Variants in DMRT1 observed in about 807,000 individuals in gnomAD.
The protein encoded by DMRT1 is doublesex- and mab-3-related transcription factor 1.
In DMRT1, 7 loss-of-function variants were observed where a neutral mutation model predicts 32.3. That is an observed-to-expected ratio of 0.22 (90% CI 0.12 to 0.41). The LOEUF is 0.41. Among genes scored for constraint, DMRT1 ranks in the 10% least tolerant of loss-of-function variants. The pLI, the probability that DMRT1 is intolerant of heterozygous loss-of-function variation, is 1.00. For synonymous variants in DMRT1, 278 were observed against 206.1 expected (o/e 1.35, Z -2.99); for missense variants, 625 against 500.5 (o/e 1.25, Z -2.37).
intron 2 of DMRT1, among the ~76,000 whole-genome samples, chr9:868,932 C>A (rs1816110807): frequency 6.6e-6 from 1 of 152,096 alleles, no homozygotes; most frequent in Non-Finnish European, 1.5e-5. Context: ...ATCACCTGAG[C>A]CTGGGGAGGT....
chr9:871,210 T>C (rs1355175356), intron 2 of DMRT1, among the ~76,000 whole-genome samples: 1 of 151,758 alleles, frequency 6.6e-6, no homozygotes, highest in Non-Finnish European at 1.5e-5. Context: ...TAATTTTTTG[T>C]AGAGACGGGG....
At chr9:949,630 G>A (rs1819365661) in intron 4 of DMRT1, among the ~76,000 whole-genome samples, 1 of 152,170 alleles carries the variant, frequency 6.6e-6, no homozygotes, top group African/African-American at 2.4e-5. Context: ...ATAAAATACA[G>A]TATTGTTAAC....
intron 1 of DMRT1, among the ~76,000 whole-genome samples, chr9:846,726 A>G (rs1025340305): frequency 6.6e-6 from 1 of 152,186 alleles, no homozygotes; most frequent in Non-Finnish European, 1.5e-5. Flanking sequence ...GATTCCAGGT[A>G]TCTGCGACCA....
rs1564189426 is a variant in DMRT1 at position 842,084 on chromosome 9, C to CGGCT, written c.247_250dup (p.Tyr84TrpfsTer73). 6.5e-7 allele frequency: 1 copy of CGGCT among 1,546,386 alleles called. No homozygotes were observed. Among genetic ancestry groups the CGGCT allele is most frequent in the Admixed American group, 1.9e-5 (1 of 51,708 alleles). ...CCAAGTGCGCACGCTGCAGGAACCA[C>CGGCT]GGCTACGCCTCGCCGCTCAAGGGCC... On this transcript the variant is annotated frameshift_variant, in exon 1 of 5. Coordinates refer to ENST00000382276, the MANE Select transcript of DMRT1 (RefSeq NM_021951.3). LOFTEE classifies it high-confidence loss of function.
chr9:851,983 A>G (rs568291977), intron 2 of DMRT1, among the ~76,000 whole-genome samples: 6 of 147,646 alleles, frequency 4.1e-5, no homozygotes, highest in Non-Finnish European at 8.9e-5. Context: ...TCTGTCGCTT[A>G]GGCTGGAGTG....
At chr9:936,613 T>TGTG (rs1818894054) in intron 4 of DMRT1, among the ~76,000 whole-genome samples, 1 of 151,820 alleles carries the variant, frequency 6.6e-6, no homozygotes, top group South Asian at 2.1e-4. Flanking sequence ...ATTAGCCAAG[T>TGTG]GTGGTGGCAG....
At chr9:939,171 C>G (rs943412503) in intron 4 of DMRT1, among the ~76,000 whole-genome samples, 1 of 152,226 alleles carries the variant, frequency 6.6e-6, no homozygotes, top group Non-Finnish European at 1.5e-5. Flanking sequence ...CCCTGCTCAT[C>G]TTCTGTCTGT....
rs748319081 is a variant in DMRT1 at position 847,095 on chromosome 9, G to C, written c.490G>C (p.Gly164Arg). The C allele has an allele frequency of 6.2e-7, 1 of 1,613,762 alleles. No individual in the cohort carries two copies. Among genetic ancestry groups the C allele is most frequent in the Non-Finnish European group, 8.5e-7 (1 of 1,180,040 alleles). The change falls in exon 2 of 5, where the codon GGC becomes CGC. Residue 164 changes from glycine (G) to arginine (R), a missense_variant. Gly to Arg is a moderately radical substitution (Grantham distance 125). Transcript: ENST00000382276. Reference sequence around the variant, plus strand: ...CCCGTGCCTCATGACTGAGTGCAGTGGCACCTCTCAGCCACCGCCGGCCAG... The same window carrying C: ...CCCGTGCCTCATGACTGAGTGCAGTCGCACCTCTCAGCCACCGCCGGCCAG... ...SNPCLMTECSGTSQPPPASVP... is the reference protein window; with the variant it reads ...SNPCLMTECSRTSQPPPASVP...
chr9:871,133 C>T (rs903941715), intron 2 of DMRT1, among the ~76,000 whole-genome samples: 5 of 151,852 alleles, frequency 3.3e-5, no homozygotes, highest in Admixed American at 6.6e-5. Context: ...GCCTTCTGGG[C>T]TCAAGCCATC....
At chr9:942,791 A>G (rs1287183818) in intron 4 of DMRT1, among the ~76,000 whole-genome samples, 2 of 152,014 alleles carry the variant, frequency 1.3e-5, no homozygotes, top group Non-Finnish European at 2.9e-5. Context: ...ATTTTGGTTG[A>G]TATAATTTAT....
chr9:873,820 G>A (rs141911387), intron 2 of DMRT1, among the ~76,000 whole-genome samples: 1 of 152,266 alleles, frequency 6.6e-6, no homozygotes, highest in Admixed American at 6.5e-5. Context: ...AAGATGACCT[G>A]CAGGGAGAGA....
chr9:946,790 C>G (rs183919477), intron 4 of DMRT1, among the ~76,000 whole-genome samples: 82 of 152,268 alleles, frequency 5.4e-4, no homozygotes, highest in African/African-American at 1.9e-3. Flanking sequence ...AATGTGCTGC[C>G]TCCTTGGTAG....
intron 1 of DMRT1, among the ~76,000 whole-genome samples, chr9:844,505 T>C (rs748583219): frequency 7.0e-6 from 1 of 142,772 alleles, no homozygotes; most frequent in Non-Finnish European, 1.5e-5. Flanking sequence ...ATTGATGTTC[T>C]CTTTCTAAGC....
chr9:841,723 G>T lies in DMRT1; in HGVS notation c.-116G>T. ...CTCCAGCTGCGCCTCCGGCTGCAGC[G>T]CACACGTCTCCTGCGCCTCCTCCTC... On this transcript the variant is annotated 5_prime_UTR_variant, in exon 1 of 5. Transcript: ENST00000382276. 1 of 1,542,728 alleles carries T rather than the reference G, an allele frequency of 6.5e-7. No individual in the cohort carries two copies. The highest frequency in any genetic ancestry group is 8.7e-7 in the Non-Finnish European group (1 of 1,145,298).
At chr9:930,293 T>G (rs1488631556) in intron 4 of DMRT1, among the ~76,000 whole-genome samples, 1 of 152,062 alleles carries the variant, frequency 6.6e-6, no homozygotes, top group Non-Finnish European at 1.5e-5. Context: ...CATTGTAGCC[T>G]TGAACTCCTT....
At chr9:849,324 G>A (rs145546848) in intron 2 of DMRT1, among the ~76,000 whole-genome samples, 1 of 152,252 alleles carries the variant, frequency 6.6e-6, no homozygotes, top group Admixed American at 6.5e-5. Context: ...GAGTAATTTA[G>A]GGCTGATGGA....
At chr9:890,919 G>A (rs547505646) in intron 2 of DMRT1, among the ~76,000 whole-genome samples, 185 of 151,588 alleles carry the variant, frequency 1.2e-3, no homozygotes, top group African/African-American at 4.4e-3. Context: ...TAGTGGAGAC[G>A]GGGTTTCACC....
intron 4 of DMRT1, among the ~76,000 whole-genome samples, chr9:959,813 C>T (rs1819713770): frequency 6.6e-6 from 1 of 152,164 alleles, no homozygotes; most frequent in South Asian, 2.1e-4. Flanking sequence ...CAGGCGTGAC[C>T]CACCGCATCC....
At chr9:929,003 A>G (rs556879091) in intron 4 of DMRT1, among the ~76,000 whole-genome samples, 82 of 151,842 alleles carry the variant, frequency 5.4e-4, no homozygotes, top group Non-Finnish European at 9.3e-4. Context: ...AAGCCTGGCT[A>G]ATTTTTTGTA....
Sources: allele counts gnomAD v4.1 joint callset (sites outside exome capture counted in the v4.1 genomes callset), GRCh38; gene constraint gnomAD v4.1.1; transcripts MANE v1.5; gene names NCBI Gene and HGNC (gene_info 2026-07-23, HGNC 2026-07-21).